The following ZNF18 variants were observed in gnomAD, a reference collection of about 807,000 sequenced individuals.
ZNF18 encodes heart development-specific gene 1 protein.
Under a neutral mutation model 58.1 loss-of-function variants are expected in ZNF18, and 42 were observed. The ratio of observed to expected loss-of-function variants is 0.72; its 90% CI spans 0.56 to 0.93. ZNF18 has a LOEUF of 0.93. Ranked by LOEUF, ZNF18 falls within the 40% of genes least tolerant of loss-of-function variation. The pLI is 0.00. For synonymous variants in ZNF18, 231 were observed against 239.8 expected (o/e 0.96, Z 0.34); for missense variants, 540 against 644.2 (o/e 0.84, Z 1.75).
At chr17:12,012,717 C>G in the ZNF18 span, among the ~76,000 whole-genome samples, 2 of 151,970 alleles carry the variant, frequency 1.3e-5, no homozygotes, top group African/African-American at 2.4e-5. Flanking sequence ...CCTCTGTGGC[C>G]CAGACTGGAG....
the ZNF18 span, chr17:12,010,869 C>A: frequency 6.0e-6 from 3 of 498,534 alleles, no homozygotes; most frequent in South Asian, 4.7e-5. Context: ...TTCTCTTTGT[C>A]TTCTTTAGTT....
rs149770391 is a variant in ZNF18, at chr17:11,991,216, C to T, written c.388-53G>A. 208 of 1,480,912 alleles carry T rather than the reference C, an allele frequency of 1.4e-4. 1 individual carries two copies. In the East Asian group the frequency reaches 4.7e-3, roughly 33 times the overall value. 91.7% of individuals were successfully genotyped at this position (1,480,912 alleles called of 1,614,324 possible). The stretch of plus-strand genomic sequence containing the variant: ...ACTGAAGAATCCAGAGTAAGGATCT[C>T]TAAAAGACACAAAGCTTACTCTCTA... On this transcript the variant is annotated intron_variant, in intron 2 of 6. Transcript: ENST00000580306.
At chr17:11,999,761 T>A (rs938121522), upstream of ZNF18, among the ~76,000 whole-genome samples, 1 of 152,112 alleles carries the variant, frequency 6.6e-6, no homozygotes. Flanking sequence ...GAAAATTACA[T>A]TGGGGTAAGG....
the ZNF18 span, chr17:12,021,497 A>T: frequency 6.6e-6 from 1 of 151,788 alleles, no homozygotes; most frequent in Non-Finnish European, 1.5e-5. Flanking sequence ...GCTCAGGGCC[A>T]TCTTGGCTGT....
chr17:11,977,523 G>A lies in ZNF18; in HGVS notation c.*434C>T, dbSNP rs745571753. 3.8e-5 allele frequency: 6 copies of A among 159,230 alleles called. No individual in the cohort carries two copies. Among genetic ancestry groups the A allele is most frequent in the Non-Finnish European group, 5.5e-5 (4 of 72,742 alleles). The allele number at this position is 159,230 out of a possible 1,614,324, so 9.9% of individuals were successfully genotyped here. ...TTCACCCCTATGACAAAGAACACAC[G>A]TGAGCTCACAGGCCCTCTATGCTTC... On this transcript the variant is annotated 3_prime_UTR_variant, in exon 7 of 7. Coordinates refer to ENST00000580306, the MANE Select transcript of ZNF18 (RefSeq NM_001303281.2).
the ZNF18 span, among the ~76,000 whole-genome samples, chr17:12,014,910 T>C: frequency 1.3e-5 from 2 of 152,008 alleles, no homozygotes; most frequent in Non-Finnish European, 2.9e-5. Context: ...TAGCCAGGCA[T>C]GGTGGCGGGT....
At chr17:11,995,072 A>G (rs1489157442) in intron 1 of ZNF18, among the ~76,000 whole-genome samples, 1 of 152,112 alleles carries the variant, frequency 6.6e-6, no homozygotes, top group Admixed American at 6.6e-5. Context: ...TCCAATACCA[A>G]ATGTTTTTTA....
At chr17:12,004,900 A>G in the ZNF18 span, among the ~76,000 whole-genome samples, 11 of 151,188 alleles carry the variant, frequency 7.3e-5, no homozygotes, top group East Asian at 2.1e-3. Context: ...AAAAAAAAAA[A>G]AAAAAAGAAA....
At chr17:12,007,368 C>T in the ZNF18 span, among the ~76,000 whole-genome samples, 18 of 152,200 alleles carry the variant, frequency 1.2e-4, no homozygotes, top group Non-Finnish European at 2.1e-4. Flanking sequence ...AATCTTAGAG[C>T]GATTGTGGAA....
chr17:12,020,168 G>C, the ZNF18 span, among the ~76,000 whole-genome samples: 31 of 152,208 alleles, frequency 2.0e-4, no homozygotes, highest in Non-Finnish European at 3.8e-4. Context: ...TTTAGGGGAA[G>C]ATGGTGATGT....
intron 4 of ZNF18, 140 bp from the exon 5 acceptor site, chr17:11,984,337 A>G (rs535714642): frequency 1.3e-6 from 1 of 762,794 alleles, no homozygotes; most frequent in Admixed American, 2.9e-5. Flanking sequence ...GAGAAATCCC[A>G]GCAGAGTGGT....
chr17:12,010,283 G>C, the ZNF18 span, among the ~76,000 whole-genome samples: 6 of 152,032 alleles, frequency 3.9e-5, no homozygotes, highest in Admixed American at 3.9e-4. Context: ...TCTGAGCCAA[G>C]AATAGAAACT....
chr17:11,996,844 A>C lies in ZNF18; in HGVS notation c.-83+587T>G, dbSNP rs561882349. 3 of 152,328 alleles carry C rather than the reference A, an allele frequency of 2.0e-5. No individual in the cohort carries two copies. The East Asian group carries it at 5.8e-4, about 29-fold the overall frequency. 9.4% of individuals were successfully genotyped at this position (152,328 alleles called of 1,614,324 possible). Reference sequence around the variant, plus strand: ...CAGATCAGGAACCTCCGAGGCTCACAAGTGGCAGCCAGATTAACCCAGGAA... The same window carrying C: ...CAGATCAGGAACCTCCGAGGCTCACCAGTGGCAGCCAGATTAACCCAGGAA... On this transcript the variant is annotated intron_variant, in intron 1 of 6. Coordinates refer to ENST00000580306, the MANE Select transcript of ZNF18 (RefSeq NM_001303281.2).
chr17:12,005,809 T>A, the ZNF18 span, among the ~76,000 whole-genome samples: 1 of 152,202 alleles, frequency 6.6e-6, no homozygotes, highest in East Asian at 1.9e-4. Context: ...CAATTTTGAA[T>A]ATGTTTTATA....
At chr17:11,982,707 G>A (rs927409255) in intron 6 of ZNF18, among the ~76,000 whole-genome samples, 9 of 114,278 alleles carry the variant, frequency 7.9e-5, no homozygotes, top group African/African-American at 2.3e-4. Flanking sequence ...TGTAGGTTTC[G>A]CAATTAGTTT....
upstream of ZNF18, among the ~76,000 whole-genome samples, chr17:12,001,445 T>C (rs1394510260): frequency 5.9e-5 from 9 of 152,176 alleles, no homozygotes; most frequent in Admixed American, 1.3e-4. Flanking sequence ...CTGGCTAACA[T>C]GGTGAAACCC....
chr17:11,995,679 T>C (rs1428587051), intron 1 of ZNF18: 1 of 138,476 alleles, frequency 7.2e-6, no homozygotes, highest in Non-Finnish European at 1.5e-5. Flanking sequence ...GGAGACTCCA[T>C]CTCAAAAAAA....
chr17:12,011,092 T>C, the ZNF18 span: 3 of 710,886 alleles, frequency 4.2e-6, no homozygotes, highest in Non-Finnish European at 5.2e-6. Context: ...ACAGTACTCA[T>C]TCCCTTGATG....
intron 1 of ZNF18, among the ~76,000 whole-genome samples, chr17:11,994,637 C>T (rs538770773): frequency 2.6e-5 from 4 of 151,918 alleles, no homozygotes; most frequent in Non-Finnish European, 4.4e-5. Flanking sequence ...GTCAGGAGAT[C>T]GAGACCATCC....
Sources: allele counts gnomAD v4.1 joint callset (sites outside exome capture counted in the v4.1 genomes callset), GRCh38; gene constraint gnomAD v4.1.1; transcripts MANE v1.5; gene names NCBI Gene and HGNC (gene_info 2026-07-23, HGNC 2026-07-21).